DIAPH2: variants seen among roughly 807,000 people sequenced by gnomAD.
DIAPH2 encodes protein diaphanous homolog 2.
Under a neutral mutation model 92.7 loss-of-function variants are expected in DIAPH2, and 35 were observed. The ratio of observed to expected loss-of-function variants is 0.38; its 90% confidence interval spans 0.29 to 0.50. The LOEUF (loss-of-function observed/expected upper bound fraction) is 0.50. Ranked by LOEUF, DIAPH2 falls within the 20% of genes least tolerant of loss-of-function variation. The pLI is 0.94. For synonymous variants in DIAPH2, 301 were observed against 280.4 expected (o/e 1.07, Z -0.73); for missense variants, 701 against 819.5 (o/e 0.86, Z 1.77).
chrX:97,409,333 T>A (rs150965881), intron 25 of DIAPH2, among the ~76,000 whole-genome samples: 1 of 111,621 alleles, frequency 9.0e-6, no homozygotes, highest in African/African-American at 3.3e-5. Context: ...GTAAATAACA[T>A]TGTTTGAGGG....
Position 96,803,766 on chromosome X carries a change from G to T in DIAPH2, c.447+45508G>T, listed in dbSNP as rs756360887. 1.3e-3 allele frequency among the ~76,000 whole-genome samples: 142 copies of T among 112,330 alleles called. 1 individual carries two copies. Among genetic ancestry groups the T allele is most frequent in the African/African-American group, 4.1e-3 (128 of 30,957 alleles). The stretch of plus-strand genomic sequence containing the variant: ...CATAAAATTCCTGTGCTGGCTGGGT[G>T]CGGTGGCTCACGCCTGTAATCCCAG... On this transcript the variant is annotated intron_variant, in intron 4 of 26. Coordinates refer to ENST00000324765, the MANE Select transcript of DIAPH2 (RefSeq NM_006729.5).
At chrX:97,359,472 T>A (rs1245172891) in intron 24 of DIAPH2, among the ~76,000 whole-genome samples, 1 of 110,352 alleles carries the variant, frequency 9.1e-6, no homozygotes, top group Non-Finnish European at 1.9e-5. Flanking sequence ...GTGTGTATTT[T>A]TTTCCTTTGT....
At chrX:96,976,021 C>A (rs1485617519) in intron 17 of DIAPH2, among the ~76,000 whole-genome samples, 1 of 102,573 alleles carries the variant, frequency 9.7e-6, no homozygotes, top group African/African-American at 3.6e-5. Flanking sequence ...CCCTCCCTCC[C>A]TCCCTTCCTT....
At chrX:97,308,999 C>A (rs1007642976) in intron 23 of DIAPH2, among the ~76,000 whole-genome samples, 1 of 107,831 alleles carries the variant, frequency 9.3e-6, no homozygotes, top group Non-Finnish European at 1.9e-5. Context: ...GCCTGGGGAA[C>A]AAGAGTGAAA....
intron 26 of DIAPH2, among the ~76,000 whole-genome samples, chrX:97,569,521 T>C (rs964479950): frequency 8.9e-6 from 1 of 111,866 alleles, no homozygotes; most frequent in Non-Finnish European, 1.9e-5. Flanking sequence ...TCTTCTCTGG[T>C]CTTTGTATAA....
At chrX:97,434,280 G>A (rs2070157510) in intron 26 of DIAPH2, among the ~76,000 whole-genome samples, 1 of 111,226 alleles carries the variant, frequency 9.0e-6, no homozygotes, top group Non-Finnish European at 1.9e-5. Context: ...AGGAGTATAA[G>A]TAATCAATTA....
At chrX:97,298,916 C>G (rs1188093746) in intron 23 of DIAPH2, among the ~76,000 whole-genome samples, 1 of 111,850 alleles carries the variant, frequency 8.9e-6, no homozygotes, top group Non-Finnish European at 1.9e-5. Flanking sequence ...CCGTGCCCAG[C>G]CTCTTAGTCC....
chrX:96,881,819 T>C, intron 5 of DIAPH2, 101 bp downstream of exon 5: 1 of 905,199 alleles, frequency 1.1e-6, no homozygotes. Flanking sequence ...CAAGATTTCC[T>C]GACTAAAAAT....
At chrX:97,078,217 G>A (rs1179418939) in intron 19 of DIAPH2, among the ~76,000 whole-genome samples, 1 of 111,439 alleles carries the variant, frequency 9.0e-6, no homozygotes, top group Non-Finnish European at 1.9e-5. Context: ...TCTAGGTAGG[G>A]AGTTTATACT....
chrX:97,039,434 G>GT, intron 17 of DIAPH2, among the ~76,000 whole-genome samples: 1 of 111,452 alleles, frequency 9.0e-6, no homozygotes, highest in Non-Finnish European at 1.9e-5. Context: ...GTTAAAATTA[G>GT]TGGGACCGTT....
At chrX:97,562,404 G>T (rs1432401639) in intron 26 of DIAPH2, among the ~76,000 whole-genome samples, 1 of 110,391 alleles carries the variant, frequency 9.1e-6, no homozygotes, top group African/African-American at 3.3e-5. Flanking sequence ...TACTCGGGAG[G>T]CTGAGGCAGA....
chrX:97,370,102 A>G (rs1040205902), intron 24 of DIAPH2, among the ~76,000 whole-genome samples: 1 of 111,500 alleles, frequency 9.0e-6, no homozygotes, highest in African/African-American at 3.3e-5. Context: ...CTAGAACGGT[A>G]TGTGACAGTT....
intron 17 of DIAPH2, among the ~76,000 whole-genome samples, chrX:96,976,832 A>G (rs1288806041): frequency 9.0e-6 from 1 of 111,507 alleles, no homozygotes; most frequent in Non-Finnish European, 1.9e-5. Flanking sequence ...TTATAATTAA[A>G]ACAATAATAA....
At chrX:97,445,278 AT>A (rs1034203074) in intron 26 of DIAPH2, among the ~76,000 whole-genome samples, 3 of 111,361 alleles carry the variant, frequency 2.7e-5, no homozygotes, top group Non-Finnish European at 5.7e-5. Flanking sequence ...AGCATTATAG[AT>A]TATCCCTTTT....
intron 26 of DIAPH2, among the ~76,000 whole-genome samples, chrX:97,498,832 T>C (rs1284312202): frequency 8.9e-6 from 1 of 111,748 alleles, no homozygotes; most frequent in African/African-American, 3.3e-5. Context: ...TTTTAAAAGA[T>C]GTAATGTGGT....
chrX:96,960,790 G>C (rs1406594912), intron 16 of DIAPH2, among the ~76,000 whole-genome samples: 1 of 111,884 alleles, frequency 8.9e-6, no homozygotes, highest in Non-Finnish European at 1.9e-5. Flanking sequence ...CCTAATTGTT[G>C]AGAGTTTTTA....
At chrX:97,027,620 G>C (rs913084979) in intron 17 of DIAPH2, among the ~76,000 whole-genome samples, 2 of 112,183 alleles carry the variant, frequency 1.8e-5, no homozygotes, top group Non-Finnish European at 3.8e-5. Context: ...TCACAGAGGA[G>C]GCCTCCCAGG....
chrX:97,441,885 C>G (rs1460339217), intron 26 of DIAPH2, among the ~76,000 whole-genome samples: 1 of 113,284 alleles, frequency 8.8e-6, no homozygotes, highest in African/African-American at 3.2e-5. Context: ...CTAATAAGAT[C>G]TAGCTTTGCA....
At chrX:97,270,920 C>T (rs1417276968) in intron 23 of DIAPH2, among the ~76,000 whole-genome samples, 1 of 110,399 alleles carries the variant, frequency 9.1e-6, no homozygotes, top group Non-Finnish European at 1.9e-5. Context: ...TTATGGGGTG[C>T]CTATTGTGTG....
Sources: gnomAD v4.1 joint callset for allele counts (sites outside exome capture counted in the v4.1 genomes callset) on GRCh38, gnomAD v4.1.1 for gene constraint, MANE v1.5 for transcripts, NCBI Gene and HGNC (gene_info 2026-07-23, HGNC 2026-07-21) for gene names.